The following GNG12 variants were observed in gnomAD, a reference collection of about 807,000 sequenced individuals.
GNG12 encodes the protein G protein subunit gamma 12, also known as guanine nucleotide-binding protein G(I)/G(S)/G(O) subunit gamma-12.
For missense variants in GNG12, 69 were observed against 83.8 expected (o/e 0.82, Z 0.69); for synonymous variants, 28 against 29.7 (o/e 0.94, Z 0.19).
chr1:67,731,148 C>T (rs1646416766), intron 2 of GNG12, among the ~76,000 whole-genome samples: 1 of 152,056 alleles, frequency 6.6e-6, no homozygotes, highest in Admixed American at 6.6e-5. Context: ...TCTGACTTCC[C>T]CCTCTTGAGA....
intron 1 of GNG12, among the ~76,000 whole-genome samples, chr1:67,819,981 C>T (rs887323965): frequency 6.6e-6 from 1 of 152,096 alleles, no homozygotes; most frequent in Non-Finnish European, 1.5e-5. Flanking sequence ...ACAGCACTTA[C>T]CCCTTTCTGA....
intron 1 of GNG12, among the ~76,000 whole-genome samples, chr1:67,782,094 G>A (rs1466874899): frequency 6.6e-6 from 1 of 152,146 alleles, no homozygotes; most frequent in Non-Finnish European, 1.5e-5. Context: ...ATTCTGATAT[G>A]ATGTTATCTC....
intron 2 of GNG12, among the ~76,000 whole-genome samples, chr1:67,769,785 T>C (rs1164503601): frequency 6.6e-6 from 1 of 152,036 alleles, no homozygotes; most frequent in Non-Finnish European, 1.5e-5. Context: ...ATTTTTCCAA[T>C]GTCCAATTCT....
chr1:67,751,873 C>A (rs548977682), intron 2 of GNG12, among the ~76,000 whole-genome samples: 26 of 152,302 alleles, frequency 1.7e-4, no homozygotes, highest in African/African-American at 6.0e-4. Flanking sequence ...GTGAGCCTCT[C>A]CCCATTTTCT....
intron 2 of GNG12, among the ~76,000 whole-genome samples, chr1:67,723,209 T>C (rs1388460963): frequency 3.3e-5 from 5 of 152,160 alleles, no homozygotes; most frequent in Non-Finnish European, 5.9e-5. Context: ...AGCCCAGAAA[T>C]GGCTGTTGAT....
intron 2 of GNG12, among the ~76,000 whole-genome samples, chr1:67,748,734 T>G (rs1308108022): frequency 6.6e-6 from 1 of 152,250 alleles, no homozygotes; most frequent in Non-Finnish European, 1.5e-5. Context: ...AAGGGAGTTC[T>G]GAATACTGCT....
rs182010234 is a variant in GNG12, at chr1:67,821,056, T to C, written c.-77+12288A>G. Among the ~76,000 whole-genome samples, 45 of 152,330 alleles carry C rather than the reference T, an allele frequency of 3.0e-4. No homozygotes were observed. The East Asian group carries it at 7.2e-3, about 24-fold the overall frequency. ...TTATTCCTAAGCCAAATATGGTGTT[T>C]CATCAATTCTAAGAAGCATATTTTG... On this transcript the variant is annotated intron_variant, in intron 1 of 3. Coordinates refer to ENST00000370982, the MANE Select transcript of GNG12 (RefSeq NM_018841.6).
intron 2 of GNG12, among the ~76,000 whole-genome samples, chr1:67,761,631 C>T (rs1031059014): frequency 2.0e-5 from 3 of 152,176 alleles, no homozygotes; most frequent in Non-Finnish European, 4.4e-5. Context: ...TGCAGGTCGA[C>T]TTGGCTCTTT....
intron 2 of GNG12, among the ~76,000 whole-genome samples, chr1:67,717,350 A>G (rs1646331537): frequency 6.6e-6 from 1 of 152,074 alleles, no homozygotes. Flanking sequence ...CCCTGTCTCT[A>G]CTAAAAAAAG....
rs1300465967 is a variant in GNG12 at position 67,788,737 on chromosome 1, G to A, written c.-76-11230C>T. On this transcript the variant is annotated intron_variant, in intron 1 of 3. Coordinates refer to ENST00000370982, the MANE Select transcript of GNG12 (RefSeq NM_018841.6). ...CATTTTCATGTATCTTTGTTAACTA[G>A]GAATTCTACCATGCCTTACTTATTG... is the stretch of plus-strand genomic sequence containing the variant. Among the ~76,000 whole-genome samples the A allele has an allele frequency of 3.3e-5, 5 of 152,120 alleles. No individual in the cohort carries two copies. In the East Asian group the frequency reaches 9.6e-4, roughly 29 times the overall value.
chr1:67,821,889 G>C (rs1432580176), intron 1 of GNG12, among the ~76,000 whole-genome samples: 1 of 151,560 alleles, frequency 6.6e-6, no homozygotes, highest in African/African-American at 2.4e-5. Context: ...TATTATCTCT[G>C]TTTTGCAAAC....
intron 1 of GNG12, among the ~76,000 whole-genome samples, chr1:67,790,755 G>A (rs577323272): frequency 3.9e-5 from 6 of 152,028 alleles, no homozygotes; most frequent in Admixed American, 2.6e-4. Flanking sequence ...GATTACAGGC[G>A]TGTGCCGCCA....
At chr1:67,814,824 A>G (rs1646944562) in intron 1 of GNG12, among the ~76,000 whole-genome samples, 1 of 152,218 alleles carries the variant, frequency 6.6e-6, no homozygotes. Context: ...CTGGCTCTGC[A>G]GCCTTGTACA....
At chr1:67,728,433 A>G (rs144655577) in intron 2 of GNG12, among the ~76,000 whole-genome samples, 1 of 152,322 alleles carries the variant, frequency 6.6e-6, no homozygotes, top group African/African-American at 2.4e-5. Flanking sequence ...GGAGAACAAC[A>G]GAGATATTCT....
chr1:67,765,940 A>G (rs555514033), intron 2 of GNG12, among the ~76,000 whole-genome samples: 1 of 152,208 alleles, frequency 6.6e-6, no homozygotes, highest in Non-Finnish European at 1.5e-5. Context: ...AACTAGACGT[A>G]GTGGTGAAAA....
intron 2 of GNG12, among the ~76,000 whole-genome samples, chr1:67,766,027 T>C (rs1193215542): frequency 1.3e-5 from 2 of 152,020 alleles, no homozygotes; most frequent in East Asian, 3.8e-4. Context: ...CATTTTATTC[T>C]TTATAGCTAT....
At chr1:67,768,974 T>C (rs1264963796) in intron 2 of GNG12, among the ~76,000 whole-genome samples, 3 of 152,192 alleles carry the variant, frequency 2.0e-5, no homozygotes, top group African/African-American at 7.2e-5. Context: ...TCACCTCATA[T>C]GATGGGTCTG....
At chr1:67,707,551 G>C (rs189511777) in intron 3 of GNG12, 43 bp downstream of exon 3, 3 of 999,768 alleles carry the variant, frequency 3.0e-6, no homozygotes, top group Non-Finnish European at 4.7e-6. Context: ...GGAACAGGGG[G>C]AACTGAGCAG....
At chr1:67,779,230 T>C (rs1646723543) in intron 1 of GNG12, among the ~76,000 whole-genome samples, 1 of 152,128 alleles carries the variant, frequency 6.6e-6, no homozygotes, top group Admixed American at 6.5e-5. Flanking sequence ...ACTTTATTAA[T>C]CCACAGGCCG....
Sources: gnomAD v4.1 joint callset for allele counts (sites outside exome capture counted in the v4.1 genomes callset) on GRCh38, gnomAD v4.1.1 for gene constraint, MANE v1.5 for transcripts, NCBI Gene and HGNC (gene_info 2026-07-23, HGNC 2026-07-21) for gene names.